The following NIM1K variants were observed in gnomAD, a reference collection of about 807,000 sequenced individuals.
The protein encoded by NIM1K is serine/threonine-protein kinase NIM1.
NIM1K carries 35 observed loss-of-function variants against 37.1 expected under a neutral mutation model. The observed-to-expected ratio is 0.94, with a 90% confidence interval of 0.72 to 1.25. The LOEUF is 1.25. NIM1K is among the 50% of genes most tolerant of loss of function. The pLI is 0.00. For missense variants in NIM1K, 564 were observed against 548.0 expected, an observed-to-expected ratio of 1.03 and a Z score of -0.29; for synonymous variants, 234 against 206.6, an observed-to-expected ratio of 1.13 and a Z score of -1.14.
chr5:43,226,505 A>G (rs1004019737), intron 1 of NIM1K, among the ~76,000 whole-genome samples: 2 of 152,244 alleles, frequency 1.3e-5, no homozygotes, highest in Non-Finnish European at 2.9e-5. Flanking sequence ...ATGTCTTGCC[A>G]TTTACCAATA....
intron 2 of NIM1K, among the ~76,000 whole-genome samples, chr5:43,255,360 A>G (rs951192667): frequency 2.6e-5 from 4 of 152,244 alleles, no homozygotes; most frequent in Non-Finnish European, 4.4e-5. Context: ...ATAGACAGCA[A>G]TCTCTGTCCT....
At chr5:43,233,195 G>C in intron 1 of NIM1K, 3 of 1,107,046 alleles carry the variant, frequency 2.7e-6, no homozygotes, top group South Asian at 1.3e-5. Context: ...CACGGCTGCC[G>C]AGGCGATGGT....
At chr5:43,210,065 A>C (rs1279566538) in intron 1 of NIM1K, among the ~76,000 whole-genome samples, 1 of 152,200 alleles carries the variant, frequency 6.6e-6, no homozygotes, top group African/African-American at 2.4e-5. Context: ...GTATGTACAC[A>C]GTAACTGAAA....
intron 1 of NIM1K, among the ~76,000 whole-genome samples, chr5:43,238,785 C>T (rs1052121035): frequency 2.6e-5 from 4 of 151,640 alleles, no homozygotes; most frequent in Non-Finnish European, 1.5e-5. Flanking sequence ...TAGCCAACCT[C>T]GAGGTTTTTA....
chr5:43,221,414 G>A (rs148805408), intron 1 of NIM1K, among the ~76,000 whole-genome samples: 119 of 138,984 alleles, frequency 8.6e-4, no homozygotes, highest in Admixed American at 3.1e-3. Flanking sequence ...CTGCGCCACT[G>A]CACTCCAGCC....
intron 1 of NIM1K, among the ~76,000 whole-genome samples, chr5:43,213,516 C>T (rs1176804174): frequency 1.2e-4 from 18 of 150,374 alleles, no homozygotes; most frequent in African/African-American, 2.5e-4. Context: ...CTTTTTGAGA[C>T]GGAGTCTCGC....
At chr5:43,207,268 A>G (rs1477608499) in intron 1 of NIM1K, 2 of 758,662 alleles carry the variant, frequency 2.6e-6, no homozygotes, top group African/African-American at 1.7e-5. Flanking sequence ...GCAAAGATGT[A>G]CTCATTCTGG....
intron 1 of NIM1K, among the ~76,000 whole-genome samples, chr5:43,204,467 C>T (rs975778633): frequency 6.7e-6 from 1 of 149,202 alleles, no homozygotes; most frequent in South Asian, 2.2e-4. Flanking sequence ...TTTGGGAGGC[C>T]GAGGCGGGTG....
chr5:43,222,871 T>A (rs1661259450), intron 1 of NIM1K, among the ~76,000 whole-genome samples: 1 of 152,186 alleles, frequency 6.6e-6, no homozygotes. Context: ...CTGGGCACAG[T>A]GGCTCACGCC....
chr5:43,210,832 G>A (rs920247167), intron 1 of NIM1K, among the ~76,000 whole-genome samples: 9 of 152,182 alleles, frequency 5.9e-5, no homozygotes, highest in Non-Finnish European at 1.0e-4. Context: ...CCCCCAGTGA[G>A]GTACAGAAGC....
intron 2 of NIM1K, among the ~76,000 whole-genome samples, chr5:43,257,644 C>T (rs961520844): frequency 1.3e-5 from 2 of 152,026 alleles, no homozygotes; most frequent in African/African-American, 2.4e-5. Flanking sequence ...AGCCACTGCG[C>T]CCAGTTTTGA....
chr5:43,242,679 C>T (rs1202667859), intron 1 of NIM1K: 1 of 151,868 alleles, frequency 6.6e-6, no homozygotes, highest in East Asian at 1.9e-4. Context: ...TAAATCTTAC[C>T]TAATTGTAAT....
At chr5:43,275,524 C>T (rs1184156663) in intron 2 of NIM1K, among the ~76,000 whole-genome samples, 1 of 152,220 alleles carries the variant, frequency 6.6e-6, no homozygotes, top group African/African-American at 2.4e-5. Flanking sequence ...AATGCTCCCG[C>T]CAGCAGCACA....
intron 1 of NIM1K, among the ~76,000 whole-genome samples, chr5:43,216,611 T>C (rs889238175): frequency 3.3e-5 from 5 of 152,256 alleles, no homozygotes; most frequent in Non-Finnish European, 7.3e-5. Flanking sequence ...CTTTGTCTCC[T>C]AATCCACAAA....
intron 2 of NIM1K, among the ~76,000 whole-genome samples, chr5:43,264,905 T>A (rs1469366529): frequency 6.6e-6 from 1 of 152,238 alleles, no homozygotes; most frequent in African/African-American, 2.4e-5. Context: ...TATGGAATTC[T>A]GGATGGAAAA....
chr5:43,207,505 G>T (rs774050816), intron 1 of NIM1K: 9 of 727,734 alleles, frequency 1.2e-5, no homozygotes, highest in Non-Finnish European at 2.1e-5. Context: ...TTTATTATGT[G>T]ATTAATGATT....
intron 1 of NIM1K, among the ~76,000 whole-genome samples, chr5:43,196,425 G>A (rs1420076169): frequency 1.3e-5 from 2 of 151,430 alleles, no homozygotes; most frequent in Non-Finnish European, 2.9e-5. Flanking sequence ...TCAGGAGATC[G>A]AGACCATCCT....
intron 1 of NIM1K, among the ~76,000 whole-genome samples, chr5:43,200,053 A>T (rs952420532): frequency 1.3e-5 from 2 of 151,882 alleles, no homozygotes; most frequent in African/African-American, 4.8e-5. Context: ...CTAATTTTGT[A>T]TTCTTAGCAG....
intron 1 of NIM1K, among the ~76,000 whole-genome samples, chr5:43,230,539 C>T (rs1357551754): frequency 6.6e-6 from 1 of 152,174 alleles, no homozygotes; most frequent in African/African-American, 2.4e-5. Context: ...TAAAACTTCT[C>T]TGTTATAAAA....
Sources: gnomAD v4.1 joint callset for allele counts (sites outside exome capture counted in the v4.1 genomes callset) on GRCh38, gnomAD v4.1.1 for gene constraint, MANE v1.5 for transcripts, NCBI Gene and HGNC (gene_info 2026-07-23, HGNC 2026-07-21) for gene names.